CRYBG1: variants seen among roughly 807,000 people sequenced by gnomAD.
The protein encoded by CRYBG1 is crystallin beta-gamma domain containing 1.
A neutral mutation model predicts 189.2 loss-of-function variants in CRYBG1; 139 were observed. That is an observed-to-expected ratio of 0.73 (90% CI 0.64 to 0.85). The LOEUF is 0.85. CRYBG1 is among the 40% of genes least tolerant of loss of function. The pLI is 0.00. For missense variants in CRYBG1, 2,611 were observed against 2,675.8 expected, an observed-to-expected ratio of 0.98 and a Z score of 0.53; for synonymous variants, 1,023 against 1,017.1, an observed-to-expected ratio of 1.01 and a Z score of -0.11.
chr6:106,550,738 T>C (rs1774379049), intron 13 of CRYBG1, among the ~76,000 whole-genome samples: 1 of 152,198 alleles, frequency 6.6e-6, no homozygotes, highest in African/African-American at 2.4e-5. Context: ...TAGACACAGC[T>C]TCCTAAGATC....
intron 14 of CRYBG1, 101 bp downstream of exon 14, chr6:106,552,079 C>T: frequency 6.9e-7 from 1 of 1,450,088 alleles, no homozygotes; most frequent in Non-Finnish European, 9.5e-7. Context: ...GGAAAATATT[C>T]TGAGTTTATT....
chr6:106,388,562 A>G (rs566504281), intron 1 of CRYBG1, among the ~76,000 whole-genome samples: 25 of 152,286 alleles, frequency 1.6e-4, no homozygotes, highest in African/African-American at 6.0e-4. Flanking sequence ...AAAAAGTTTC[A>G]TTTTAAGCAG....
At chr6:106,527,276 C>G in intron 6 of CRYBG1, 29 bp from the exon 7 acceptor site, 1 of 1,588,776 alleles carries the variant, frequency 6.3e-7, no homozygotes, top group Non-Finnish European at 8.6e-7. Flanking sequence ...CGAAGACTGA[C>G]TAATGGTTTT....
intron 2 of CRYBG1, 93 bp from the exon 3 acceptor site, chr6:106,511,337 G>T: frequency 8.9e-7 from 1 of 1,128,236 alleles, no homozygotes; most frequent in Non-Finnish European, 1.2e-6. Flanking sequence ...ACTCTGGTCT[G>T]TTATCATTTT....
intron 9 of CRYBG1, 45 bp from the exon 10 acceptor site, chr6:106,541,541 T>C: frequency 1.3e-6 from 2 of 1,571,872 alleles, no homozygotes; most frequent in Non-Finnish European, 1.8e-6. Context: ...AAAATGGTAA[T>C]GTATCAGTGA....
chr6:106,554,141 A>C (rs938174642), intron 16 of CRYBG1, among the ~76,000 whole-genome samples: 7 of 152,222 alleles, frequency 4.6e-5, no homozygotes, highest in African/African-American at 9.6e-5. Context: ...GGAGAGCCCA[A>C]GGTCAGGGAA....
At chr6:106,506,446 CTTTTTT>C (rs67154803) in intron 2 of CRYBG1, among the ~76,000 whole-genome samples, 2 of 69,920 alleles carry the variant, frequency 2.9e-5, no homozygotes, top group Non-Finnish European at 5.2e-5. Flanking sequence ...TTTCTTGTCA[CTTTTTT>C]TTTTTTTTTT....
intron 9 of CRYBG1, among the ~76,000 whole-genome samples, chr6:106,540,815 T>C (rs865911153): frequency 1.3e-5 from 2 of 152,138 alleles, no homozygotes; most frequent in African/African-American, 4.8e-5. Flanking sequence ...ATTAAAGATA[T>C]ATTAATTTTA....
At chr6:106,524,266 A>G (rs1361489452) in intron 4 of CRYBG1, among the ~76,000 whole-genome samples, 1 of 152,184 alleles carries the variant, frequency 6.6e-6, no homozygotes, top group Non-Finnish European at 1.5e-5. Flanking sequence ...TTTGTCTATC[A>G]AAAAAGCGGG....
chr6:106,407,655 A>G (rs1327048897), intron 1 of CRYBG1, among the ~76,000 whole-genome samples: 1 of 152,250 alleles, frequency 6.6e-6, no homozygotes, highest in Non-Finnish European at 1.5e-5. Context: ...AATGCAAAAG[A>G]ATGGAAATCA....
chr6:106,561,498 A>G lies in CRYBG1; in HGVS notation c.6136A>G (p.Arg2046Gly). 1 of 1,611,422 alleles carries G rather than the reference A, an allele frequency of 6.2e-7. No homozygotes were observed. The highest frequency in any genetic ancestry group is 8.5e-7 in the Non-Finnish European group (1 of 1,178,286). ...WIYQEGCIKC[R>G]IAEDCCLTIV... ...CTATCAAGAAGGATGTATCAAATGC[A>G]GGGTGAGCTTTAGGATTCCACGGGG... The change falls in exon 20 of 22, where the codon AGG becomes GGG. Residue 2046 changes from arginine (R) to glycine (G), a missense_variant and splice_region_variant. Around this residue, in one of 3 missense-constraint regions of CRYBG1, gnomAD observed 1,622 missense variants for 1,735.0 expected, o/e 0.93. Transcript: ENST00000633556.
chr6:106,507,190 A>G (rs1773150202), intron 2 of CRYBG1, among the ~76,000 whole-genome samples: 1 of 152,202 alleles, frequency 6.6e-6, no homozygotes, highest in Admixed American at 6.5e-5. Flanking sequence ...AATGAGCCAC[A>G]TTTCATATTA....
At chr6:106,523,374 C>G (rs1458146591) in intron 4 of CRYBG1, among the ~76,000 whole-genome samples, 1 of 152,084 alleles carries the variant, frequency 6.6e-6, no homozygotes, top group Non-Finnish European at 1.5e-5. Flanking sequence ...GGTCCACTTC[C>G]CATTCATTAC....
intron 1 of CRYBG1, among the ~76,000 whole-genome samples, chr6:106,372,740 A>G (rs897803912): frequency 3.3e-5 from 5 of 152,214 alleles, no homozygotes; most frequent in South Asian, 2.1e-4. Context: ...CATTTTGTCA[A>G]TTGTGTATAA....
At chr6:106,366,373 T>G (rs9384605) in intron 1 of CRYBG1, among the ~76,000 whole-genome samples, 101,396 of 152,062 alleles carry the variant, frequency 0.67, 34,009 homozygotes, top group African/African-American at 0.74. Context: ...GATAAACCAG[T>G]AATTTAAAAG....
chr6:106,429,668 G>T (rs1290176625), intron 1 of CRYBG1, among the ~76,000 whole-genome samples: 2 of 152,184 alleles, frequency 1.3e-5, no homozygotes, highest in Non-Finnish European at 1.5e-5. Flanking sequence ...CGCCGGACAG[G>T]TTCAGATCCC....
At chr6:106,421,821 G>A (rs1287781776) in intron 1 of CRYBG1, among the ~76,000 whole-genome samples, 1 of 152,144 alleles carries the variant, frequency 6.6e-6, no homozygotes, top group East Asian at 1.9e-4. Context: ...CTTGGCTGGG[G>A]AAGCCTCACA....
At chr6:106,370,380 C>T (rs1014811425) in intron 1 of CRYBG1, among the ~76,000 whole-genome samples, 1 of 152,114 alleles carries the variant, frequency 6.6e-6, no homozygotes, top group Non-Finnish European at 1.5e-5. Context: ...TAGTTGCTGC[C>T]CATGCTAAAG....
chr6:106,396,412 T>G (rs889829424), intron 1 of CRYBG1, among the ~76,000 whole-genome samples: 3 of 152,220 alleles, frequency 2.0e-5, no homozygotes, highest in Non-Finnish European at 4.4e-5. Context: ...TCTATATGTA[T>G]GACTTCACCA....
Sources: allele counts gnomAD v4.1 joint callset (sites outside exome capture counted in the v4.1 genomes callset), GRCh38; gene constraint gnomAD v4.1.1; regional missense constraint gnomAD v4.1.1; transcripts MANE v1.5; gene names NCBI Gene and HGNC (gene_info 2026-07-23, HGNC 2026-07-21).